The following PACRG variants were observed in gnomAD, a reference collection of about 807,000 sequenced individuals.
PACRG encodes parkin coregulated gene protein.
Under a neutral mutation model 29.7 loss-of-function variants are expected in PACRG, and 29 were observed. The observed-to-expected ratio is 0.98, with a 90% CI of 0.73 to 1.33. The LOEUF (loss-of-function observed/expected upper bound fraction) is 1.33. Ranked by LOEUF, PACRG falls within the 40% of genes most tolerant of loss-of-function variation. The pLI, the probability that PACRG is intolerant of heterozygous loss-of-function variation, is 0.00. For missense variants in PACRG, 279 were observed against 316.2 expected, an observed-to-expected ratio of 0.88 and a Z score of 0.89; for synonymous variants, 116 against 118.7, an observed-to-expected ratio of 0.98 and a Z score of 0.15.
chr6:163,062,910 G>A (rs1297809532), intron 3 of PACRG, among the ~76,000 whole-genome samples: 2 of 152,146 alleles, frequency 1.3e-5, no homozygotes, highest in Non-Finnish European at 2.9e-5. Flanking sequence ...CCCTTGGACT[G>A]GTTGTCTAAG....
At chr6:163,224,095 G>A (rs765411734) in intron 4 of PACRG, among the ~76,000 whole-genome samples, 5 of 152,020 alleles carry the variant, frequency 3.3e-5, no homozygotes, top group South Asian at 2.1e-4. Flanking sequence ...GGGACCAGGC[G>A]TGGTGGCTCA....
intron 1 of PACRG, among the ~76,000 whole-genome samples, chr6:162,795,807 C>T (rs1785334423): frequency 6.6e-6 from 1 of 152,094 alleles, no homozygotes; most frequent in Non-Finnish European, 1.5e-5. Flanking sequence ...AGATCTTGTA[C>T]ATTTATTACA....
Position 163,016,946 on chromosome 6 carries a change from A to G in PACRG, c.292-45204A>G, listed in dbSNP as rs933784986. ...AATTAGTAAGATAAGGTCAAAATAT[A>G]TTTCATATTATTTCATGTAAAATGT... On this transcript the variant is annotated intron_variant, in intron 2 of 4. Transcript: ENST00000366888. Among the ~76,000 whole-genome samples the G allele has an allele frequency of 5.9e-5, 9 of 152,230 alleles. 1 individual carries two copies. Among genetic ancestry groups the G allele is most frequent in the Admixed American group, 4.6e-4 (7 of 15,284 alleles).
At chr6:162,941,297 G>A (rs945826887) in intron 2 of PACRG, among the ~76,000 whole-genome samples, 1 of 152,136 alleles carries the variant, frequency 6.6e-6, no homozygotes, top group African/African-American at 2.4e-5. Context: ...GTGACTCCCT[G>A]TTCTGTTGGA....
chr6:162,985,358 T>C (rs1802798669), intron 2 of PACRG, among the ~76,000 whole-genome samples: 1 of 152,076 alleles, frequency 6.6e-6, no homozygotes, highest in Admixed American at 6.6e-5. Flanking sequence ...TAATCCACCA[T>C]GATCAAGTGG....
chr6:162,998,909 TCTTTC>T (rs1804328640), intron 2 of PACRG, among the ~76,000 whole-genome samples: 1 of 152,204 alleles, frequency 6.6e-6, no homozygotes, highest in South Asian at 2.1e-4. Flanking sequence ...GAGTGATCAC[TCTTTC>T]CTTAGTGGAC....
chr6:163,312,839 A>G, intron 4 of PACRG: 2 of 420,818 alleles, frequency 4.8e-6, no homozygotes, highest in Non-Finnish European at 9.5e-6. Context: ...TGCAACCTCG[A>G]CCACCTGGGC....
chr6:163,254,795 A>G (rs1438800928), intron 4 of PACRG, among the ~76,000 whole-genome samples: 1 of 152,166 alleles, frequency 6.6e-6, no homozygotes, highest in Non-Finnish European at 1.5e-5. Context: ...GCAGGATTTG[A>G]AGGAAGGAAA....
At chr6:163,131,839 T>C (rs1286660078) in intron 4 of PACRG, among the ~76,000 whole-genome samples, 1 of 152,228 alleles carries the variant, frequency 6.6e-6, no homozygotes, top group Admixed American at 6.5e-5. Context: ...TTCCCTTGCA[T>C]AACCCCTACC....
intron 2 of PACRG, among the ~76,000 whole-genome samples, chr6:162,947,647 TACACCC>T (rs1799341394): frequency 3.5e-5 from 2 of 56,616 alleles, no homozygotes; most frequent in Non-Finnish European, 6.2e-5. Context: ...TATATATATA[TACACCC>T]AAAGATTCCA....
intron 2 of PACRG, among the ~76,000 whole-genome samples, chr6:162,870,202 G>T (rs973542680): frequency 6.6e-6 from 1 of 152,178 alleles, no homozygotes; most frequent in East Asian, 1.9e-4. Flanking sequence ...TTTTTCACAT[G>T]CAGGGAATGC....
At chr6:163,070,720 G>A (rs996194697) in intron 3 of PACRG, among the ~76,000 whole-genome samples, 2 of 151,478 alleles carry the variant, frequency 1.3e-5, no homozygotes, top group Non-Finnish European at 3.0e-5. Flanking sequence ...AACATTGAAT[G>A]TAAATGCACA....
chr6:162,884,970 C>T (rs1470385175), intron 2 of PACRG, among the ~76,000 whole-genome samples: 1 of 152,134 alleles, frequency 6.6e-6, no homozygotes, highest in African/African-American at 2.4e-5. Context: ...AAGTTCTCTG[C>T]TCTGGGTCTC....
At position 162,853,639 on chromosome 6, in the gene PACRG, G is replaced by A. The variant is rs1371451470; in HGVS notation, c.291+39358G>A. ...AATGATAAGAACTTATGATCACAAAGGCGGAAACAACACACACTGAACTTA... is the reference window on the plus strand; with the variant it reads ...AATGATAAGAACTTATGATCACAAAAGCGGAAACAACACACACTGAACTTA... On this transcript the variant is annotated intron_variant, in intron 2 of 4. Transcript: ENST00000366888. This position sits in a 1 kb window ranked among gnomAD's most constrained non-coding sequence, Gnocchi z 4.7. Among the ~76,000 whole-genome samples the A allele has an allele frequency of 6.6e-6, 1 of 152,166 alleles. No homozygotes were observed.
intron 2 of PACRG, among the ~76,000 whole-genome samples, chr6:163,052,816 G>T (rs949596914): frequency 1.2e-4 from 18 of 152,074 alleles, no homozygotes; most frequent in Admixed American, 1.1e-3. Flanking sequence ...TATTTGACAG[G>T]CTAGGTCAAG....
intron 2 of PACRG, among the ~76,000 whole-genome samples, chr6:163,008,602 A>G (rs2128208046): frequency 6.7e-6 from 1 of 149,862 alleles, no homozygotes; most frequent in East Asian, 2.0e-4. Context: ...CGATTTAATC[A>G]AGCCCAACGG....
At chr6:162,893,180 C>T (rs1352936415) in intron 2 of PACRG, among the ~76,000 whole-genome samples, 1 of 152,184 alleles carries the variant, frequency 6.6e-6, no homozygotes, top group Non-Finnish European at 1.5e-5. Context: ...GTGCCGCTCA[C>T]CCAAACTATT....
rs1418680613 is a variant in PACRG, at chr6:163,138,070, G to A, written c.613+48662G>A. On this transcript the variant is annotated intron_variant, in intron 4 of 4. Transcript: ENST00000366888. ...ATAAGAAGGAGTGGGGGAGCCTGTC[G>A]GAGCCGCCTGGGGCATTAGCAGATC... Among the ~76,000 whole-genome samples the A allele has an allele frequency of 4.6e-5, 7 of 152,306 alleles. No homozygotes were observed. In the East Asian group the frequency reaches 7.7e-4, roughly 17 times the overall value.
intron 4 of PACRG, among the ~76,000 whole-genome samples, chr6:163,090,509 G>A (rs1197164869): frequency 1.3e-5 from 2 of 152,156 alleles, no homozygotes; most frequent in Non-Finnish European, 2.9e-5. Context: ...AGGCAAGATG[G>A]TTAGTCTTTA....
Sources: gnomAD v4.1 joint callset for allele counts (sites outside exome capture counted in the v4.1 genomes callset) on GRCh38, gnomAD v4.1.1 for gene constraint, Gnocchi (gnomAD v3.1) non-coding constraint, MANE v1.5 for transcripts, NCBI Gene and HGNC (gene_info 2026-07-23, HGNC 2026-07-21) for gene names.